PARD3: variants seen among roughly 807,000 people sequenced by gnomAD.
The protein encoded by PARD3 is partitioning defective 3 homolog.
PARD3 carries 75 observed loss-of-function variants against 155.4 expected under a neutral mutation model. That is an observed-to-expected ratio of 0.48 (90% CI 0.40 to 0.58). The LOEUF is 0.58. Ranked by LOEUF, PARD3 falls within the 20% of genes least tolerant of loss-of-function variation. The probability of loss-of-function intolerance (pLI) is 0.00; values close to 1 mark genes in which losing one functional copy is unlikely to be tolerated. For missense variants in PARD3, 1,642 were observed against 1,721.7 expected, an observed-to-expected ratio of 0.95 and a Z score of 0.82; for synonymous variants, 576 against 610.5, an observed-to-expected ratio of 0.94 and a Z score of 0.83.
chr10:34,147,655 T>C (rs1324400400), intron 22 of PARD3, among the ~76,000 whole-genome samples: 3 of 151,902 alleles, frequency 2.0e-5, no homozygotes, highest in African/African-American at 7.2e-5. Context: ...ACTAACTTTG[T>C]TTTGGAAAAA....
rs751505744 is a variant in PARD3, at chr10:34,111,448, G to A, written c.3783C>T (p.Gly1261=). The change falls in exon 25 of 25, where the codon GGC becomes GGT. Residue 1261 remains glycine (G), a synonymous_variant. Coordinates refer to ENST00000374788, the MANE Select transcript of PARD3 (RefSeq NM_001184785.2). The stretch of plus-strand genomic sequence containing the variant: ...GTCCTCCCAGGTAGCCGTTCCTGGA[G>A]CCTTGGTAGCTGGAGTACCTGGGGT... The part of the protein sequence containing the change: ...KENPRYSSYQ[G]SRNGYLGGHG... 6.2e-7 allele frequency: 1 copy of A among 1,614,176 alleles called. No homozygotes were observed. The highest frequency in any genetic ancestry group is 1.1e-5 in the South Asian group (1 of 91,080).
intron 19 of PARD3, among the ~76,000 whole-genome samples, chr10:34,326,717 A>G (rs912768472): frequency 6.6e-6 from 1 of 152,316 alleles, no homozygotes; most frequent in South Asian, 2.1e-4. Flanking sequence ...ATATTAGTTG[A>G]TTTAATAATG....
intron 3 of PARD3, among the ~76,000 whole-genome samples, chr10:34,501,507 T>C (rs913711659): frequency 1.3e-5 from 2 of 152,170 alleles, no homozygotes; most frequent in African/African-American, 4.8e-5. Flanking sequence ...TTTATAGCAA[T>C]GTAAGAATGG....
At chr10:34,334,736 CAA>C (rs5784410) in intron 18 of PARD3, among the ~76,000 whole-genome samples, 557 of 128,238 alleles carry the variant, frequency 4.3e-3, no homozygotes, top group Middle Eastern at 0.012. Context: ...GCACAAAGTG[CAA>C]AAAAAAAAAA....
At chr10:34,736,343 T>A (rs924284591) in intron 1 of PARD3, among the ~76,000 whole-genome samples, 1 of 150,728 alleles carries the variant, frequency 6.6e-6, no homozygotes, top group Non-Finnish European at 1.5e-5. Context: ...TTTTTTTTTT[T>A]TTGGTGATAG....
chr10:34,532,998 C>A (rs1038493573), intron 2 of PARD3, among the ~76,000 whole-genome samples: 2 of 152,256 alleles, frequency 1.3e-5, no homozygotes, highest in East Asian at 1.9e-4. Flanking sequence ...AGGATACAAA[C>A]CTGTACAAGA....
intron 5 of PARD3, among the ~76,000 whole-genome samples, chr10:34,441,221 G>C (rs757645344): frequency 6.6e-6 from 1 of 152,136 alleles, no homozygotes; most frequent in Non-Finnish European, 1.5e-5. Flanking sequence ...CAATACTTGA[G>C]GGAGTTGTTG....
chr10:34,732,926 A>G (rs753379237), intron 1 of PARD3, among the ~76,000 whole-genome samples: 5 of 152,164 alleles, frequency 3.3e-5, no homozygotes, highest in Non-Finnish European at 5.9e-5. Context: ...CATGAGGGAC[A>G]GCCATCGGGC....
At chr10:34,478,895 T>A (rs555022110) in intron 3 of PARD3, among the ~76,000 whole-genome samples, 3 of 152,286 alleles carry the variant, frequency 2.0e-5, no homozygotes, top group Non-Finnish European at 2.9e-5. Context: ...TGAGGCATAT[T>A]AAATCTATAC....
chr10:34,462,956 AG>A (rs546395614), intron 4 of PARD3, among the ~76,000 whole-genome samples: 1 of 71,626 alleles, frequency 1.4e-5, no homozygotes, highest in African/African-American at 5.7e-5. Context: ...AGGGAAGAGA[AG>A]GGGGGAAGGG....
chr10:34,766,656 T>C (rs1281851592), intron 1 of PARD3, among the ~76,000 whole-genome samples: 4 of 133,450 alleles, frequency 3.0e-5, no homozygotes, highest in Non-Finnish European at 6.3e-5. Flanking sequence ...AGATCTAAGA[T>C]GAGAGATGTT....
chr10:34,664,264 G>A (rs981604941), intron 2 of PARD3, among the ~76,000 whole-genome samples: 12 of 151,760 alleles, frequency 7.9e-5, no homozygotes, highest in Non-Finnish European at 1.6e-4. Context: ...GTGCAGTAGC[G>A]TGATCTCGGC....
intron 1 of PARD3, among the ~76,000 whole-genome samples, chr10:34,763,925 T>C (rs536317499): frequency 7.9e-5 from 12 of 152,386 alleles, no homozygotes; most frequent in African/African-American, 1.2e-4. Flanking sequence ...CCCAGCCATA[T>C]ACTAATAAGA....
At chr10:34,767,760 G>A (rs1388273885) in intron 1 of PARD3, among the ~76,000 whole-genome samples, 1 of 151,492 alleles carries the variant, frequency 6.6e-6, no homozygotes, top group East Asian at 2.0e-4. Context: ...CACCACCCTG[G>A]GCTAATATTT....
At chr10:34,662,871 G>GAAAAAAAAAAAAAAA in intron 2 of PARD3, among the ~76,000 whole-genome samples, 1 of 123,642 alleles carries the variant, frequency 8.1e-6, no homozygotes, top group African/African-American at 3.0e-5. Flanking sequence ...AACTGTCTCA[G>GAAAAAAAAAAAAAAA]AAAAAAAAAA....
Position 34,269,813 on chromosome 10 carries a change from C to T in PARD3, c.3263G>A (p.Gly1088Asp), listed in dbSNP as rs535507650. ...AEIQDFHRTFGCDDELMYGGV... is the reference protein window; with the variant it reads ...AEIQDFHRTFDCDDELMYGGV... ...CCCATACATTAACTCATCATCACAG[C>T]CAAATGTCCGATGAAAATCTTGAAT... is the stretch of plus-strand genomic sequence containing the variant. The change falls in exon 22 of 25, where the codon GGC (glycine) becomes GAC (aspartate). Residue 1088 changes from glycine to aspartate, a missense_variant. Around this residue, in one of 3 missense-constraint regions of PARD3, gnomAD observed 1,529 missense variants for 1,587.3 expected, o/e 0.96. Coordinates refer to ENST00000374788, the MANE Select transcript of PARD3 (RefSeq NM_001184785.2). The T allele has an allele frequency of 3.0e-5, 48 of 1,613,954 alleles. 1 individual carries two copies. In the South Asian group the frequency reaches 5.2e-4, roughly 17 times the overall value.
At chr10:34,142,123 G>A (rs921133451) in intron 22 of PARD3, among the ~76,000 whole-genome samples, 1 of 152,116 alleles carries the variant, frequency 6.6e-6, no homozygotes, top group Non-Finnish European at 1.5e-5. Flanking sequence ...CAAAGGGCAG[G>A]GGCTGAGGTC....
intron 2 of PARD3, among the ~76,000 whole-genome samples, chr10:34,580,846 G>A (rs1460403061): frequency 6.6e-6 from 1 of 152,174 alleles, no homozygotes; most frequent in African/African-American, 2.4e-5. Flanking sequence ...AATGACAGCT[G>A]CTCACACAAG....
chr10:34,499,688 A>G (rs916673236), intron 3 of PARD3, among the ~76,000 whole-genome samples: 2 of 152,224 alleles, frequency 1.3e-5, no homozygotes, highest in Non-Finnish European at 2.9e-5. Context: ...AAATGAATTA[A>G]GCATACTCTA....
Sources: allele counts gnomAD v4.1 joint callset (sites outside exome capture counted in the v4.1 genomes callset), GRCh38; gene constraint gnomAD v4.1.1; regional missense constraint gnomAD v4.1.1; transcripts MANE v1.5; gene names NCBI Gene and HGNC (gene_info 2026-07-23, HGNC 2026-07-21).